CDH23: variants seen among roughly 807,000 people sequenced by gnomAD.
The protein encoded by CDH23 is cadherin related 23.
In CDH23, 189 loss-of-function variants were observed where a neutral mutation model predicts 317.1. The observed-to-expected ratio is 0.60, with a 90% confidence interval of 0.53 to 0.67. The LOEUF is 0.67. Ranked by LOEUF, CDH23 falls within the 30% of genes least tolerant of loss-of-function variation. The pLI, the probability that CDH23 is intolerant of heterozygous loss-of-function variation, is 0.00. For missense variants in CDH23, 4,401 were observed against 4,592.4 expected (o/e 0.96, Z 1.20); for synonymous variants, 1,839 against 1,876.8 (o/e 0.98, Z 0.52).
At position 71,810,487 on chromosome 10, in the gene CDH23, A is replaced by C. The variant is rs773851998; in HGVS notation, c.8995A>C (p.Lys2999Gln). 2 of 1,613,950 alleles carry C rather than the reference A, an allele frequency of 1.2e-6. No individual in the cohort carries two copies. The highest frequency in any genetic ancestry group is 8.5e-7 in the Non-Finnish European group (1 of 1,179,854). Residue 2999 changes from lysine to glutamine, a missense_variant, in exon 62 of 70, where the codon AAG becomes CAG. Around this residue, in one of 3 missense-constraint regions of CDH23, gnomAD observed 1,144 missense variants for 1,138.2 expected, o/e 1.01. Coordinates refer to ENST00000224721, the MANE Select transcript of CDH23 (RefSeq NM_022124.6). ...TDNVQFHVDK[K>Q]GRVNFAQTEL... The stretch of plus-strand genomic sequence containing the variant: ...TCTCATCTAGTTCCATGTGGACAAG[A>C]AGGGCCGGGTGAACTTTGCGCAGAC...
intron 14 of CDH23, among the ~76,000 whole-genome samples, chr10:71,663,168 A>G (rs1863748800): frequency 6.6e-6 from 1 of 152,216 alleles, no homozygotes; most frequent in Non-Finnish European, 1.5e-5. Context: ...ACATGGATCT[A>G]TATTTTGGGA....
chr10:71,791,791 G>T (rs1374359367), intron 47 of CDH23, among the ~76,000 whole-genome samples: 1 of 151,964 alleles, frequency 6.6e-6, no homozygotes, highest in African/African-American at 2.4e-5. Context: ...GGCCAGGCTG[G>T]TCGCAAACTC....
rs983776026 is a variant in CDH23 at position 71,695,365 on chromosome 10, C to T, written c.2290-53C>T. ...AGCACTTTTCCCCTGGCAGGCCCTG[C>T]CCTGGCCCATCTCAGCTGGGTGTGT... On this transcript the variant is annotated intron_variant, in intron 21 of 69. Transcript: ENST00000224721. The T allele has an allele frequency of 4.6e-6, 6 of 1,298,520 alleles. No individual in the cohort carries two copies. The African/African-American group carries it at 8.7e-5, about 19-fold the overall frequency. 80.4% of individuals were successfully genotyped at this position (1,298,520 alleles called of 1,614,324 possible).
chr10:71,570,195 G>A (rs1223578855), intron 7 of CDH23, among the ~76,000 whole-genome samples: 1 of 152,170 alleles, frequency 6.6e-6, no homozygotes, highest in Non-Finnish European at 1.5e-5. Context: ...CTGCTGGTTG[G>A]ATTGGGAAAA....
intron 1 of CDH23, among the ~76,000 whole-genome samples, chr10:71,426,582 C>T (rs1001717442): frequency 4.0e-5 from 6 of 151,836 alleles, no homozygotes; most frequent in South Asian, 2.1e-4. Context: ...GTGGGGGCTG[C>T]GAGGAAGTAA....
intron 3 of CDH23, among the ~76,000 whole-genome samples, chr10:71,474,212 C>G (rs748812806): frequency 7.9e-5 from 12 of 152,174 alleles, no homozygotes; most frequent in African/African-American, 2.9e-4. Flanking sequence ...GCCTTCACCT[C>G]CAGGGAGCCC....
intron 11 of CDH23, among the ~76,000 whole-genome samples, chr10:71,639,174 C>T (rs1291088349): frequency 1.3e-5 from 2 of 152,224 alleles, no homozygotes; most frequent in East Asian, 3.8e-4. Flanking sequence ...TCAGCCTTCT[C>T]ATCGCCTCTC....
At chr10:71,422,610 C>T (rs1246227323) in intron 1 of CDH23, among the ~76,000 whole-genome samples, 2 of 152,192 alleles carry the variant, frequency 1.3e-5, no homozygotes, top group Non-Finnish European at 2.9e-5. Flanking sequence ...TGGTTTTTAG[C>T]GTTCCTTGTA....
In CDH23 at chr10:71,793,455, A is replaced by T. The variant is rs549211741; in HGVS notation, c.6527A>T (p.Asn2176Ile). Residue 2176 changes from asparagine to isoleucine, a missense_variant, in exon 48 of 70, where the codon AAC (asparagine) becomes ATC (isoleucine). This residue lies in a region of CDH23 where 3,068 missense variants were observed against 3,203.3 expected (regional missense o/e 0.96). Coordinates refer to ENST00000224721, the MANE Select transcript of CDH23 (RefSeq NM_022124.6). ...DINDSRPEFL[N>I]PIQTVSVLES... ...AATGACTCCCGCCCCGAGTTCCTCA[A>T]CCCCATCCAGACAGTGAGCGTGCTG... The T allele has an allele frequency of 6.2e-7, 1 of 1,613,716 alleles. No homozygotes were observed. The highest frequency in any genetic ancestry group is 8.5e-7 in the Non-Finnish European group (1 of 1,179,824).
intron 7 of CDH23, among the ~76,000 whole-genome samples, chr10:71,570,287 G>A (rs978938593): frequency 9.9e-5 from 15 of 152,172 alleles, no homozygotes; most frequent in Non-Finnish European, 2.1e-4. Flanking sequence ...TCCCCTCTGT[G>A]GCCTTTCTTC....
At chr10:71,641,862 T>G (rs1862565352) in intron 11 of CDH23, among the ~76,000 whole-genome samples, 1 of 152,170 alleles carries the variant, frequency 6.6e-6, no homozygotes, top group Non-Finnish European at 1.5e-5. Context: ...GTGGATCATT[T>G]GAGGTCAGGA....
In CDH23 at chr10:71,682,590, C is replaced by T; in HGVS notation, c.1986+18C>T. On this transcript the variant is annotated intron_variant, in intron 18 of 69. Transcript: ENST00000224721. ...AGGTGTTTGTAAGTACCCAGGGCCA[C>T]TGGCCTTGCCCTGCTAGTGTAAGGG... 1 of 1,611,468 alleles carries T rather than the reference C, an allele frequency of 6.2e-7. No individual in the cohort carries two copies. The highest frequency in any genetic ancestry group is 8.5e-7 in the Non-Finnish European group (1 of 1,178,824).
chr10:71,580,242 T>C (rs992110810), intron 9 of CDH23, among the ~76,000 whole-genome samples: 1 of 152,250 alleles, frequency 6.6e-6, no homozygotes, highest in Non-Finnish European at 1.5e-5. Context: ...GTGTCTGGGC[T>C]GGACTCTGGA....
chr10:71,744,565 G>A (rs979577378), intron 38 of CDH23, among the ~76,000 whole-genome samples: 1 of 152,148 alleles, frequency 6.6e-6, no homozygotes, highest in South Asian at 2.1e-4. Flanking sequence ...CCTCTGCAGG[G>A]ACCCATCCCA....
chr10:71,408,480 C>T (rs1020024535), intron 1 of CDH23, among the ~76,000 whole-genome samples: 3 of 152,180 alleles, frequency 2.0e-5, no homozygotes, highest in African/African-American at 7.2e-5. Flanking sequence ...TCACTGCCCC[C>T]AAATTCTCCC....
chr10:71,624,177 C>T (rs1014537348), intron 11 of CDH23, among the ~76,000 whole-genome samples: 1 of 152,204 alleles, frequency 6.6e-6, no homozygotes, highest in African/African-American at 2.4e-5. Context: ...GCTCCACGGA[C>T]TCGGTTCCGG....
At chr10:71,521,041 C>T (rs1285942958) in intron 6 of CDH23, among the ~76,000 whole-genome samples, 1 of 152,110 alleles carries the variant, frequency 6.6e-6, no homozygotes, top group Non-Finnish European at 1.5e-5. Context: ...GCTGTGAGGG[C>T]TGGGCTCTCC....
intron 1 of CDH23, among the ~76,000 whole-genome samples, chr10:71,407,363 T>C (rs1273637442): frequency 1.3e-5 from 2 of 152,114 alleles, no homozygotes; most frequent in African/African-American, 4.8e-5. Flanking sequence ...TGGGCTGAGG[T>C]TGAATGTTCA....
chr10:71,724,216 A>AT, intron 29 of CDH23, 111 bp downstream of exon 29: 1 of 1,165,690 alleles, frequency 8.6e-7, no homozygotes, highest in Non-Finnish European at 1.2e-6. Context: ...CCCCAGGGCC[A>AT]TATACATGGG....
Sources: gnomAD v4.1 joint callset for allele counts (sites outside exome capture counted in the v4.1 genomes callset) on GRCh38, gnomAD v4.1.1 for gene constraint, gnomAD v4.1.1 regional missense constraint, MANE v1.5 for transcripts, NCBI Gene and HGNC (gene_info 2026-07-23, HGNC 2026-07-21) for gene names.